Variants in CSMD1 observed in about 807,000 individuals in gnomAD.
CSMD1 encodes CUB and Sushi multiple domains 1, also known as CUB and sushi domain-containing protein 1.
A neutral mutation model predicts 417.5 loss-of-function variants in CSMD1; 213 were observed. That is an observed-to-expected ratio of 0.51 (90% CI 0.46 to 0.57). The LOEUF (loss-of-function observed/expected upper bound fraction) is 0.57. Among genes scored for constraint, CSMD1 ranks in the 20% least tolerant of loss-of-function variants. The probability of loss-of-function intolerance (pLI) is 0.00; values close to 1 mark genes in which losing one functional copy is unlikely to be tolerated. For missense variants in CSMD1, 6,923 were observed against 4,529.7 expected, an observed-to-expected ratio of 1.53 and a Z score of -15.17; for synonymous variants, 2,862 against 1,736.8, an observed-to-expected ratio of 1.65 and a Z score of -16.11.
At chr8:4,112,678 C>A (rs781390551) in intron 3 of CSMD1, among the ~76,000 whole-genome samples, 20 of 152,094 alleles carry the variant, frequency 1.3e-4, no homozygotes, top group Non-Finnish European at 1.5e-5. Context: ...CAGACAAGCC[C>A]CTATATTTAT....
chr8:4,466,491 C>A (rs1165353484), intron 2 of CSMD1, among the ~76,000 whole-genome samples: 2 of 151,968 alleles, frequency 1.3e-5, no homozygotes, highest in South Asian at 2.1e-4. Context: ...ATATATTGAA[C>A]AAATGTTGAA....
intron 2 of CSMD1, among the ~76,000 whole-genome samples, chr8:4,491,352 A>G (rs1044471034): frequency 3.3e-5 from 5 of 152,212 alleles, no homozygotes; most frequent in African/African-American, 1.2e-4. Flanking sequence ...GCACGTGTCC[A>G]GGATTTTCTA....
At chr8:3,696,283 A>G (rs184739315) in intron 7 of CSMD1, among the ~76,000 whole-genome samples, 55 of 152,338 alleles carry the variant, frequency 3.6e-4, no homozygotes, top group Admixed American at 1.0e-3. Flanking sequence ...TAATAATAAT[A>G]TGCAGTGCAT....
chr8:3,144,009 T>C (rs1232908740), intron 40 of CSMD1, among the ~76,000 whole-genome samples: 1 of 152,188 alleles, frequency 6.6e-6, no homozygotes, highest in Admixed American at 6.5e-5. Flanking sequence ...AACAATTTCA[T>C]TAATTATGGA....
chr8:4,446,967 A>G (rs1163012109), intron 2 of CSMD1, among the ~76,000 whole-genome samples: 1 of 151,940 alleles, frequency 6.6e-6, no homozygotes, highest in African/African-American at 2.4e-5. Context: ...CCCTACAAAA[A>G]CAGCAGGAGA....
intron 1 of CSMD1, among the ~76,000 whole-genome samples, chr8:4,759,128 G>A (rs932395256): frequency 1.3e-5 from 2 of 152,196 alleles, no homozygotes; most frequent in African/African-American, 4.8e-5. Flanking sequence ...GAGGGAGAAG[G>A]TGAACTTTGA....
intron 2 of CSMD1, among the ~76,000 whole-genome samples, chr8:4,496,014 CAG>C (rs1801960162): frequency 1.3e-5 from 2 of 152,140 alleles, no homozygotes; most frequent in South Asian, 4.1e-4. Context: ...GTAATTCCTA[CAG>C]AGATACTTAA....
At chr8:3,250,160 A>T (rs888093006) in intron 26 of CSMD1, among the ~76,000 whole-genome samples, 2 of 152,170 alleles carry the variant, frequency 1.3e-5, no homozygotes, top group African/African-American at 4.8e-5. Context: ...TACACCCATT[A>T]AGTCGTCATT....
At chr8:4,947,558 A>G (rs1284551107) in intron 1 of CSMD1, among the ~76,000 whole-genome samples, 1 of 152,152 alleles carries the variant, frequency 6.6e-6, no homozygotes, top group South Asian at 2.1e-4. Flanking sequence ...TTCTCTGAAT[A>G]TAAATTAACT....
At chr8:3,654,406 C>A (rs1419983242) in intron 7 of CSMD1, among the ~76,000 whole-genome samples, 2 of 151,874 alleles carry the variant, frequency 1.3e-5, no homozygotes, top group Non-Finnish European at 2.9e-5. Context: ...TGTAAAGTAC[C>A]CTTTGGTGTA....
chr8:3,777,283 T>TC (rs1471322528), intron 5 of CSMD1, among the ~76,000 whole-genome samples: 1 of 151,976 alleles, frequency 6.6e-6, no homozygotes, highest in Non-Finnish European at 1.5e-5. Context: ...TGGTGCACAG[T>TC]CCACAGTCAG....
Position 4,344,599 on chromosome 8 carries a change from G to C in CSMD1, c.415+75354C>G, listed in dbSNP as rs148772958. Among the ~76,000 whole-genome samples, 292 of 151,376 alleles carry C rather than the reference G, an allele frequency of 1.9e-3. 5 individuals carry two copies. In the East Asian group the frequency reaches 0.052, roughly 27 times the overall value. ...GTATATATATGACAATGACTCGCTG[G>C]GTTATGAGTTACACTACCGCTATGC... On this transcript the variant is annotated intron_variant, in intron 3 of 69. Coordinates refer to ENST00000635120, the MANE Select transcript of CSMD1 (RefSeq NM_033225.6).
rs1226280135 is a variant in CSMD1, at chr8:3,439,489, G to T, written c.1561+29223C>A. Among the ~76,000 whole-genome samples, 5 of 100,146 alleles carry T rather than the reference G, an allele frequency of 5.0e-5. No homozygotes were observed. In the South Asian group the frequency reaches 2.0e-3, roughly 41 times the overall value. The allele number at this position is 100,146 out of a possible 152,430, so 65.7% of individuals were successfully genotyped here. ...ATCCTAACTCTGTGACTCTGTGTGT[G>T]TATCTGTGTGTGTGTGTCTGTGTGT... On this transcript the variant is annotated intron_variant, in intron 12 of 69. Transcript: ENST00000635120.
chr8:3,489,270 G>C (rs1168938567), intron 11 of CSMD1, among the ~76,000 whole-genome samples: 1 of 152,146 alleles, frequency 6.6e-6, no homozygotes, highest in African/African-American at 2.4e-5. Context: ...CCAGTATCCT[G>C]ATTTGTTAAT....
In CSMD1 at chr8:3,738,278, G is replaced by A. The variant is rs1191598500; in HGVS notation, c.931+15652C>T. Among the ~76,000 whole-genome samples the A allele has an allele frequency of 2.0e-5, 3 of 152,186 alleles. No individual in the cohort carries two copies. The South Asian group carries it at 6.2e-4, about 31-fold the overall frequency. ...ACAGAAAATAGCGACGATCACAGTGGAAGGAAGAGAAGTCTTAGATATTTG... is the reference window on the plus strand; with the variant it reads ...ACAGAAAATAGCGACGATCACAGTGAAAGGAAGAGAAGTCTTAGATATTTG... On this transcript the variant is annotated intron_variant, in intron 6 of 69. Transcript: ENST00000635120.
intron 10 of CSMD1, among the ~76,000 whole-genome samples, chr8:3,573,534 C>G (rs1800027103): frequency 6.6e-6 from 1 of 152,078 alleles, no homozygotes. Context: ...TTACCCAGCT[C>G]TGCTCATTAA....
At chr8:3,494,631 A>T (rs1468929498) in intron 10 of CSMD1, among the ~76,000 whole-genome samples, 1 of 152,046 alleles carries the variant, frequency 6.6e-6, no homozygotes, top group Non-Finnish European at 1.5e-5. Flanking sequence ...GATAGATGAC[A>T]GACTGGATGG....
chr8:3,978,308 C>T lies in CSMD1; in HGVS notation c.818+19595G>A, dbSNP rs112293152. Among the ~76,000 whole-genome samples the T allele has an allele frequency of 9.8e-4, 150 of 152,292 alleles. 1 individual carries two copies. The highest frequency in any genetic ancestry group is 7.8e-3 in the Admixed American group (120 of 15,296). On this transcript the variant is annotated intron_variant, in intron 5 of 69. Coordinates refer to ENST00000635120, the MANE Select transcript of CSMD1 (RefSeq NM_033225.6). Reference sequence around the variant, plus strand: ...TGTAACCACACAAACCCCACAAAAACAACTGTTCCCACATGGCTCTCTTTT... The same window carrying T: ...TGTAACCACACAAACCCCACAAAAATAACTGTTCCCACATGGCTCTCTTTT...
intron 5 of CSMD1, among the ~76,000 whole-genome samples, chr8:3,918,500 T>C (rs1270389567): frequency 1.3e-5 from 2 of 152,312 alleles, no homozygotes; most frequent in South Asian, 2.1e-4. Context: ...TTTGCAGATA[T>C]ATCTACTTGG....
Sources: gnomAD v4.1 joint callset for allele counts (sites outside exome capture counted in the v4.1 genomes callset) on GRCh38, gnomAD v4.1.1 for gene constraint, MANE v1.5 for transcripts, NCBI Gene and HGNC (gene_info 2026-07-23, HGNC 2026-07-21) for gene names.